BANK1: variants seen among roughly 807,000 people sequenced by gnomAD.
BANK1 encodes B-cell scaffold protein with ankyrin repeats.
BANK1 carries 95 observed loss-of-function variants against 94.5 expected under a neutral mutation model. That is an observed-to-expected ratio of 1.00 (90% CI 0.85 to 1.19). BANK1 has a LOEUF of 1.19. Ranked by LOEUF, BANK1 falls within the 50% of genes most tolerant of loss-of-function variation. The pLI is 0.00. For synonymous variants in BANK1, 334 were observed against 308.4 expected, an observed-to-expected ratio of 1.08 and a Z score of -0.87; for missense variants, 987 against 932.2, an observed-to-expected ratio of 1.06 and a Z score of -0.77.
chr4:101,902,543 C>G (rs997565888), intron 6 of BANK1, among the ~76,000 whole-genome samples: 4 of 152,176 alleles, frequency 2.6e-5, no homozygotes, highest in African/African-American at 9.6e-5. Context: ...TCTATACTTA[C>G]TAATTTGACT....
At chr4:101,861,068 CT>C (rs1727857116) in intron 3 of BANK1, among the ~76,000 whole-genome samples, 2 of 152,190 alleles carry the variant, frequency 1.3e-5, no homozygotes, top group Non-Finnish European at 2.9e-5. Context: ...TACACTCCGG[CT>C]TTTCTGACAC....
intron 13 of BANK1, 91 bp from the exon 14 acceptor site, chr4:102,071,181 CAAG>C: frequency 2.2e-6 from 3 of 1,385,950 alleles, no homozygotes; most frequent in Non-Finnish European, 3.1e-6. Flanking sequence ...ACCTCAAAGA[CAAG>C]AAGTAGTCCA....
Position 101,790,874 on chromosome 4 carries a change from C to T in BANK1, c.-7C>T, listed in dbSNP as rs1250742427. The stretch of plus-strand genomic sequence containing the variant: ...AGTGCGCAGGCCCCTCGGCTTCAAC[C>T]GCCACAATGCTGCCAGCAGCGCCAG... On this transcript the variant is annotated 5_prime_UTR_variant, in exon 1 of 17. Coordinates refer to ENST00000322953, the MANE Select transcript of BANK1 (RefSeq NM_017935.5). 6 of 1,538,120 alleles carry T rather than the reference C, an allele frequency of 3.9e-6. No homozygotes were observed. Among genetic ancestry groups the T allele is most frequent in the East Asian group, 2.4e-5 (1 of 40,902 alleles).
At chr4:101,875,979 G>A (rs1019656057) in intron 5 of BANK1, among the ~76,000 whole-genome samples, 1 of 152,090 alleles carries the variant, frequency 6.6e-6, no homozygotes, top group Non-Finnish European at 1.5e-5. Context: ...AAAAGCTCAT[G>A]GCTCCAAAAG....
At chr4:101,849,748 G>A (rs1024703419) in intron 2 of BANK1, among the ~76,000 whole-genome samples, 1 of 152,002 alleles carries the variant, frequency 6.6e-6, no homozygotes, top group Non-Finnish European at 1.5e-5. Flanking sequence ...AACTCAAATT[G>A]TTATCTAAAC....
chr4:101,956,354 A>G (rs2148916853), intron 7 of BANK1, among the ~76,000 whole-genome samples: 1 of 152,330 alleles, frequency 6.6e-6, no homozygotes, highest in East Asian at 1.9e-4. Context: ...CTTTGCCTTC[A>G]GAAAATTCCC....
At chr4:101,796,793 G>A (rs944643365) in intron 1 of BANK1, among the ~76,000 whole-genome samples, 1 of 152,120 alleles carries the variant, frequency 6.6e-6, no homozygotes, top group South Asian at 2.1e-4. Flanking sequence ...TTTCTGGCAA[G>A]TTTTTAATAT....
At chr4:102,064,128 TA>T (rs927033992) in intron 13 of BANK1, among the ~76,000 whole-genome samples, 1 of 152,206 alleles carries the variant, frequency 6.6e-6, no homozygotes, top group African/African-American at 2.4e-5. Context: ...TAGCAGCCAC[TA>T]AAAGAGTGTG....
intron 7 of BANK1, among the ~76,000 whole-genome samples, chr4:101,924,708 A>G (rs2148902784): frequency 6.6e-6 from 1 of 151,956 alleles, no homozygotes; most frequent in East Asian, 2.0e-4. Flanking sequence ...ATCAATTTAC[A>G]TCACCAAAAG....
At chr4:102,040,949 A>G (rs1389973798) in intron 10 of BANK1, among the ~76,000 whole-genome samples, 2 of 152,126 alleles carry the variant, frequency 1.3e-5, no homozygotes, top group African/African-American at 4.8e-5. Flanking sequence ...TGTGGTTGAT[A>G]TGAAGAGAAA....
intron 5 of BANK1, among the ~76,000 whole-genome samples, chr4:101,890,876 G>C (rs1721843606): frequency 6.6e-6 from 1 of 151,402 alleles, no homozygotes; most frequent in African/African-American, 2.4e-5. Context: ...GTCTAGCGCT[G>C]TCTTCATTTT....
chr4:101,820,254 A>G (rs556157751), intron 1 of BANK1, among the ~76,000 whole-genome samples: 11 of 152,286 alleles, frequency 7.2e-5, no homozygotes, highest in African/African-American at 2.4e-4. Context: ...TTCCATACAT[A>G]CTTTCCAAAC....
In BANK1 at chr4:102,054,428, G is replaced by C. The variant is rs74490151; in HGVS notation, c.1970-5783G>C. Among the ~76,000 whole-genome samples the C allele has an allele frequency of 5.3e-3, 799 of 152,108 alleles. 18 individuals are homozygous for C. Among genetic ancestry groups the C allele is most frequent in the East Asian group, 0.052 (269 of 5,174 alleles). On this transcript the variant is annotated intron_variant, in intron 11 of 16. Transcript: ENST00000322953. ...GGGGATTATTTACCTTCATTTTATAGACAAAGAAACTGGAGTTTACAAAAA... is the reference window on the plus strand; with the variant it reads ...GGGGATTATTTACCTTCATTTTATACACAAAGAAACTGGAGTTTACAAAAA...
rs16996753 is a variant in BANK1, at chr4:101,967,622, C to T, written c.1206+49433C>T. 4.7e-3 allele frequency among the ~76,000 whole-genome samples: 719 copies of T among 151,780 alleles called. 13 individuals carry two copies. In the East Asian group the frequency reaches 0.057, roughly 12 times the overall value. On this transcript the variant is annotated intron_variant, in intron 7 of 16. Coordinates refer to ENST00000322953, the MANE Select transcript of BANK1 (RefSeq NM_017935.5). ...TTGTCGCTTTTTTTTACTGAAAAAA[C>T]GATGCTCTGAAGGATTTAAGGTCAC...
chr4:101,869,930 G>A (rs1009938458), intron 4 of BANK1, among the ~76,000 whole-genome samples: 4 of 151,706 alleles, frequency 2.6e-5, no homozygotes, highest in Admixed American at 1.3e-4. Context: ...CATTCATTTT[G>A]AACAACTTGT....
intron 7 of BANK1, among the ~76,000 whole-genome samples, chr4:101,939,937 G>C (rs1212500486): frequency 1.3e-5 from 2 of 151,702 alleles, no homozygotes; most frequent in Non-Finnish European, 2.9e-5. Context: ...CTTTTCTGGT[G>C]CTATTCAAAT....
At chr4:101,986,813 ATATATATGTGTATATATATG>A (rs1399575960) in intron 7 of BANK1, among the ~76,000 whole-genome samples, 2 of 140,256 alleles carry the variant, frequency 1.4e-5, no homozygotes, top group Admixed American at 7.3e-5. Flanking sequence ...ATATATATGT[ATATATATGTGTATATATATG>A]TATATATATG....
chr4:101,819,784 T>TGG (rs1282056796), intron 1 of BANK1, among the ~76,000 whole-genome samples: 2 of 152,190 alleles, frequency 1.3e-5, no homozygotes, highest in African/African-American at 2.4e-5. Context: ...CATTTCTTAA[T>TGG]GCTAGCGAAG....
chr4:101,970,462 A>C (rs568004800), intron 7 of BANK1, among the ~76,000 whole-genome samples: 1 of 152,112 alleles, frequency 6.6e-6, no homozygotes, highest in Non-Finnish European at 1.5e-5. Context: ...TCTTTCATCA[A>C]TTTCTTTCAT....
Sources: allele counts gnomAD v4.1 joint callset (sites outside exome capture counted in the v4.1 genomes callset), GRCh38; gene constraint gnomAD v4.1.1; transcripts MANE v1.5; gene names NCBI Gene and HGNC (gene_info 2026-07-23, HGNC 2026-07-21).